The following FSTL5 variants were observed in gnomAD, a reference collection of about 807,000 sequenced individuals.
FSTL5 encodes the protein follistatin-related protein 5.
A neutral mutation model predicts 89.1 loss-of-function variants in FSTL5; 62 were observed. The observed-to-expected ratio is 0.70, with a 90% CI of 0.57 to 0.86. The LOEUF is 0.86. Ranked by LOEUF, FSTL5 falls within the 40% of genes least tolerant of loss-of-function variation. FSTL5 has a pLI of 0.00. For missense variants in FSTL5, 1,057 were observed against 1,001.6 expected (o/e 1.06, Z -0.75); for synonymous variants, 383 against 346.2 (o/e 1.11, Z -1.18).
chr4:162,002,395 G>A (rs920239151), intron 3 of FSTL5, among the ~76,000 whole-genome samples: 13 of 152,094 alleles, frequency 8.5e-5, no homozygotes, highest in South Asian at 4.1e-4. Context: ...TCTAATCACC[G>A]CACTGGGGCT....
chr4:161,916,424 T>C (rs1733841455), intron 4 of FSTL5, among the ~76,000 whole-genome samples: 1 of 152,180 alleles, frequency 6.6e-6, no homozygotes, highest in Admixed American at 6.5e-5. Flanking sequence ...TTAAGGGATG[T>C]TGTGAATTGC....
At chr4:162,096,063 T>A (rs1407582137) in intron 2 of FSTL5, among the ~76,000 whole-genome samples, 2 of 151,960 alleles carry the variant, frequency 1.3e-5, no homozygotes, top group Non-Finnish European at 2.9e-5. Flanking sequence ...ACCCTTGTGG[T>A]CAGATAAGCT....
intron 2 of FSTL5, among the ~76,000 whole-genome samples, chr4:162,098,956 C>G (rs1730876710): frequency 6.6e-6 from 1 of 151,972 alleles, no homozygotes; most frequent in African/African-American, 2.4e-5. Flanking sequence ...GAACTAAATG[C>G]AAAACACAAA....
intron 6 of FSTL5, among the ~76,000 whole-genome samples, chr4:161,683,034 C>T (rs145759333): frequency 1.3e-5 from 2 of 152,018 alleles, no homozygotes; most frequent in African/African-American, 2.4e-5. Context: ...CGTGAGCCAC[C>T]GTGCCCGGCC....
intron 4 of FSTL5, among the ~76,000 whole-genome samples, chr4:161,829,105 A>C (rs115694888): frequency 0.047 from 6,953 of 147,828 alleles, 209 homozygotes; most frequent in Non-Finnish European, 0.07. Context: ...TTCAAAAAAA[A>C]ATTAGACAAA....
chr4:161,387,948 A>G (rs1182649794), intron 15 of FSTL5: 1 of 152,032 alleles, frequency 6.6e-6, no homozygotes, highest in Non-Finnish European at 1.5e-5. Flanking sequence ...ATATTTGTTA[A>G]ACAACTACTA....
chr4:161,558,199 T>G (rs75766707), intron 8 of FSTL5, among the ~76,000 whole-genome samples: 59 of 151,824 alleles, frequency 3.9e-4, no homozygotes, highest in African/African-American at 1.4e-3. Context: ...TAATAAACTA[T>G]CGAAAGGAAG....
At chr4:161,432,152 T>C (rs902809800) in intron 15 of FSTL5, among the ~76,000 whole-genome samples, 6 of 152,216 alleles carry the variant, frequency 3.9e-5, no homozygotes, top group Non-Finnish European at 7.4e-5. Context: ...GGCTTCAGAA[T>C]ACACATTTTT....
chr4:161,931,561 G>A (rs1234499865), intron 3 of FSTL5, among the ~76,000 whole-genome samples: 8 of 151,914 alleles, frequency 5.3e-5, no homozygotes, highest in Non-Finnish European at 1.0e-4. Flanking sequence ...TAATATTATT[G>A]CTTAATGAGC....
chr4:161,718,596 T>G (rs1425147749), intron 6 of FSTL5, among the ~76,000 whole-genome samples: 2 of 152,126 alleles, frequency 1.3e-5, no homozygotes, highest in Non-Finnish European at 2.9e-5. Flanking sequence ...GCCCGGCTAC[T>G]TTTTTGTATT....
chr4:161,621,592 A>G (rs1328183721), intron 7 of FSTL5, among the ~76,000 whole-genome samples: 1 of 152,130 alleles, frequency 6.6e-6, no homozygotes, highest in East Asian at 1.9e-4. Flanking sequence ...AAGACAGAAA[A>G]GTTAACAAAG....
At chr4:161,599,123 C>A (rs1734141183) in intron 7 of FSTL5, among the ~76,000 whole-genome samples, 1 of 151,902 alleles carries the variant, frequency 6.6e-6, no homozygotes, top group Non-Finnish European at 1.5e-5. Context: ...ACTAACAATT[C>A]AATAGAAAAA....
intron 15 of FSTL5, among the ~76,000 whole-genome samples, chr4:161,394,937 A>G (rs1730948641): frequency 6.6e-6 from 1 of 152,144 alleles, no homozygotes; most frequent in African/African-American, 2.4e-5. Context: ...GAGCTATTCA[A>G]TTAATGGTTG....
rs575917177 is a variant in FSTL5 at position 161,604,040 on chromosome 4, T to C, written c.895-16465A>G. Among the ~76,000 whole-genome samples the C allele has an allele frequency of 3.3e-5, 5 of 152,330 alleles. No individual in the cohort carries two copies. In the East Asian group the frequency reaches 9.6e-4, roughly 29 times the overall value. ...AAATAATAAGATTCTGATGTCATTA[T>C]ACCTTCAAATCATAAAACTAACCAA... On this transcript the variant is annotated intron_variant, in intron 7 of 15. Transcript: ENST00000306100.
chr4:161,636,532 T>C, intron 7 of FSTL5, among the ~76,000 whole-genome samples: 1 of 148,668 alleles, frequency 6.7e-6, no homozygotes, highest in Non-Finnish European at 1.5e-5. Context: ...TACATATGTA[T>C]ACATGTGCCA....
chr4:162,032,353 C>A lies in FSTL5; in HGVS notation c.160+1272G>T, dbSNP rs73861035. Among the ~76,000 whole-genome samples the A allele has an allele frequency of 5.8e-3, 883 of 152,146 alleles. 7 individuals carry two copies. The highest frequency in any genetic ancestry group is 0.02 in the African/African-American group (826 of 41,518). On this transcript the variant is annotated intron_variant, in intron 3 of 15. Coordinates refer to ENST00000306100, the MANE Select transcript of FSTL5 (RefSeq NM_020116.5). ...AGCACATCTTGAAGTAAAAATTCCC[C>A]TTTTCAACACAATAGTATAAAACTT...
intron 7 of FSTL5, among the ~76,000 whole-genome samples, chr4:161,650,830 C>T (rs529505573): frequency 6.6e-6 from 1 of 152,188 alleles, no homozygotes; most frequent in East Asian, 1.9e-4. Flanking sequence ...GAACGGTGAG[C>T]AACTCTAGAT....
intron 4 of FSTL5, among the ~76,000 whole-genome samples, chr4:161,873,650 A>C (rs1473361570): frequency 6.7e-6 from 1 of 148,754 alleles, no homozygotes; most frequent in Non-Finnish European, 1.5e-5. Context: ...ACTTATTTTA[A>C]ACAAGAGAAC....
intron 3 of FSTL5, among the ~76,000 whole-genome samples, chr4:161,935,781 G>T (rs17041772): frequency 4.6e-5 from 7 of 151,208 alleles, no homozygotes; most frequent in Non-Finnish European, 7.4e-5. Context: ...ACCTCTCTAC[G>T]TTTCCAATGG....
Sources: allele counts gnomAD v4.1 joint callset (sites outside exome capture counted in the v4.1 genomes callset), GRCh38; gene constraint gnomAD v4.1.1; transcripts MANE v1.5; gene names NCBI Gene and HGNC (gene_info 2026-07-23, HGNC 2026-07-21).